NOL9: variants seen among roughly 807,000 people sequenced by gnomAD.
NOL9 encodes polynucleotide 5'-hydroxyl-kinase NOL9.
NOL9 carries 28 observed loss-of-function variants against 67.9 expected under a neutral mutation model. The ratio of observed to expected loss-of-function variants is 0.41; its 90% CI spans 0.31 to 0.57. The LOEUF (loss-of-function observed/expected upper bound fraction) is 0.57, where lower values mean the gene tolerates loss of function less well. NOL9 is among the 20% of genes least tolerant of loss of function. NOL9 has a pLI of 0.25. For missense variants in NOL9, 777 were observed against 897.0 expected (o/e 0.87, Z 1.71); for synonymous variants, 356 against 352.2 (o/e 1.01, Z -0.12).
At chr1:6,541,728 T>C (rs1639296490) in intron 6 of NOL9, 102 bp downstream of exon 6, 2 of 577,700 alleles carry the variant, frequency 3.5e-6, no homozygotes, top group Non-Finnish European at 5.6e-6. Flanking sequence ...AGGCGCATGT[T>C]CCCTTTTAAT....
chr1:6,526,135 T>C (rs1170444173), intron 11 of NOL9, 132 bp from the exon 12 acceptor site: 3 of 763,984 alleles, frequency 3.9e-6, no homozygotes, highest in South Asian at 3.4e-5. Flanking sequence ...TTTAAGGCAT[T>C]TGATCCCTTC....
intron 6 of NOL9, among the ~76,000 whole-genome samples, chr1:6,539,824 T>C (rs796964591): frequency 4.1e-4 from 62 of 152,268 alleles, no homozygotes; most frequent in African/African-American, 1.4e-3. Context: ...TGGATGGATT[T>C]TGACAATACT....
At chr1:6,532,950 G>A (rs190444832) in intron 7 of NOL9, among the ~76,000 whole-genome samples, 190 bp from the exon 8 acceptor site, 5 of 152,304 alleles carry the variant, frequency 3.3e-5, no homozygotes, top group South Asian at 2.1e-4. Context: ...CAAGGTGGGC[G>A]GATCACTTGA....
rs1387132198 is a variant in NOL9, at chr1:6,554,482, C to T, written c.21G>A (p.Leu7=). The change falls in exon 1 of 12, where the codon CTG becomes CTA. Residue 7 remains leucine (L), a synonymous_variant. Coordinates refer to ENST00000377705, the MANE Select transcript of NOL9 (RefSeq NM_024654.5). ...TGGAACGGCAGGAACCCCGCTTTAG[C>T]AGCAGTCCCGAGTCCGCCATGCTGG... The part of the protein sequence containing the change: MADSGL[L]LKRGSCRSTW... 3 of 1,544,204 alleles carry T rather than the reference C, an allele frequency of 1.9e-6. No individual in the cohort carries two copies. Among genetic ancestry groups the T allele is most frequent in the Non-Finnish European group, 2.6e-6 (3 of 1,158,416 alleles).
chr1:6,548,908 C>A (rs1639479731), intron 3 of NOL9, among the ~76,000 whole-genome samples: 1 of 151,934 alleles, frequency 6.6e-6, no homozygotes, highest in African/African-American at 2.4e-5. Flanking sequence ...ATGGTGAAAC[C>A]CCGTCTGTAC....
At chr1:6,527,700 G>A (rs1434802697) in intron 10 of NOL9, among the ~76,000 whole-genome samples, 12 of 151,728 alleles carry the variant, frequency 7.9e-5, no homozygotes, top group Non-Finnish European at 1.3e-4. Flanking sequence ...CTGGGAGGCC[G>A]AGGTGGGCAG....
Position 6,550,255 on chromosome 1 carries a change from T to C in NOL9, c.616+141A>G, listed in dbSNP as rs1355293137. ...ACCATCTTAGCCAGGATGGTCTCGA[T>C]CTCCTGACCTCATGATCCGCCCGCC... is the stretch of plus-strand genomic sequence containing the variant. On this transcript the variant is annotated intron_variant, in intron 2 of 11. Coordinates refer to ENST00000377705, the MANE Select transcript of NOL9 (RefSeq NM_024654.5). 4.5e-6 allele frequency: 3 copies of C among 661,566 alleles called. No individual in the cohort carries two copies. In the African/African-American group the frequency reaches 5.4e-5, roughly 12 times the overall value. The allele number at this position is 661,566 out of a possible 1,614,324, so 41.0% of individuals were successfully genotyped here.
chr1:6,541,307 G>T (rs895311733), intron 6 of NOL9, among the ~76,000 whole-genome samples: 1 of 152,022 alleles, frequency 6.6e-6, no homozygotes, highest in Non-Finnish European at 1.5e-5. Context: ...TCAGCCTCCC[G>T]AGGAGCTGGG....
At chr1:6,528,872 G>T in intron 10 of NOL9, 122 bp downstream of exon 10, 1 of 906,212 alleles carries the variant, frequency 1.1e-6, no homozygotes, top group South Asian at 1.7e-5. Context: ...CTATATAGAT[G>T]AGTGGGGGTT....
intron 11 of NOL9, 150 bp downstream of exon 11, chr1:6,526,546 C>T: frequency 5.4e-6 from 4 of 743,194 alleles, no homozygotes; most frequent in Middle Eastern, 4.2e-4. Context: ...TTGGAGGCGG[C>T]CCTGACACCG....
intron 10 of NOL9, 30 bp downstream of exon 10, chr1:6,528,964 T>C: frequency 3.1e-6 from 5 of 1,608,600 alleles, no homozygotes; most frequent in Non-Finnish European, 4.3e-6. Flanking sequence ...TTTCAGTAGG[T>C]TTATGGATAT....
At position 6,532,766 on chromosome 1, in the gene NOL9, G is replaced by A. The variant is rs1418204203; in HGVS notation, c.1238-6C>T. ...GAGAAGCAGGAGCCCCTGGTCTGTG[G>A]GGAAGAGACATTAGCACAGCTGATA... On this transcript the variant is annotated splice_region_variant and splice_polypyrimidine_tract_variant and intron_variant, in intron 7 of 11. Transcript: ENST00000377705. 1.2e-6 allele frequency: 2 copies of A among 1,608,182 alleles called. No homozygotes were observed. Among genetic ancestry groups the A allele is most frequent in the Admixed American group, 3.4e-5 (2 of 59,226 alleles).
At chr1:6,531,030 A>G (rs1176625617) in intron 9 of NOL9, among the ~76,000 whole-genome samples, 1 of 152,256 alleles carries the variant, frequency 6.6e-6, no homozygotes, top group Non-Finnish European at 1.5e-5. Flanking sequence ...ACACAGGCTT[A>G]GAACAGAGTA....
chr1:6,546,990 G>C (rs908734176), intron 3 of NOL9, among the ~76,000 whole-genome samples: 1 of 152,098 alleles, frequency 6.6e-6, no homozygotes. Context: ...TTTCGCCACC[G>C]CTGTTCAGTT....
Position 6,549,557 on chromosome 1 carries a change from A to C in NOL9, c.744+14T>G. ...CAAGTAATTAGCAAAACTCTGAATG[A>C]AAACGGGTTCTACCTCTTGCACAAA... is the stretch of plus-strand genomic sequence containing the variant. On this transcript the variant is annotated intron_variant, in intron 3 of 11. Transcript: ENST00000377705. 1 of 1,611,986 alleles carries C rather than the reference A, an allele frequency of 6.2e-7. No homozygotes were observed. The highest frequency in any genetic ancestry group is 8.5e-7 in the Non-Finnish European group (1 of 1,179,090).
intron 10 of NOL9, among the ~76,000 whole-genome samples, 177 bp downstream of exon 10, chr1:6,528,817 A>T (rs1638951261): frequency 6.6e-6 from 1 of 152,220 alleles, no homozygotes; most frequent in Non-Finnish European, 1.5e-5. Flanking sequence ...CAGACGAAGC[A>T]GAGAAATAGC....
rs1471056453 is a variant in NOL9, at chr1:6,525,782, T to C, written c.*72A>G. 12 of 1,525,716 alleles carry C rather than the reference T, an allele frequency of 7.9e-6. No individual in the cohort carries two copies. In the African/African-American group the frequency reaches 1.4e-4, roughly 18 times the overall value. 94.5% of individuals were successfully genotyped at this position (1,525,716 alleles called of 1,614,324 possible). A position where few individuals can be genotyped will look rare whatever the true frequency, so the allele number is the denominator to read the frequency against. On this transcript the variant is annotated 3_prime_UTR_variant, in exon 12 of 12. Coordinates refer to ENST00000377705, the MANE Select transcript of NOL9 (RefSeq NM_024654.5). ...CATTCATGGCCATGAAACTCCATCA[T>C]GTCTCTTGTGGTCAGGCTTGAGACA...
rs745544021 is a variant in NOL9 at position 6,533,276 on chromosome 1, T to A, written c.1237+4A>T. The A allele has an allele frequency of 7.6e-6, 12 of 1,585,380 alleles. No individual in the cohort carries two copies. Among genetic ancestry groups the A allele is most frequent in the Non-Finnish European group, 1.0e-5 (12 of 1,162,968 alleles). ...CCCTTGCAGATGTGCACATGCAGGC[T>A]TACCTGAAACCCATCCCATAGTGTT... On this transcript the variant is annotated splice_donor_region_variant and intron_variant, in intron 7 of 11. Transcript: ENST00000377705.
Position 6,554,153 on chromosome 1 carries a change from C to T in NOL9, c.350G>A (p.Arg117Gln). Residue 117 changes from arginine (R) to glutamine (Q), a missense_variant, in exon 1 of 12, where the codon CGG becomes CAG. Around this residue, in one of 2 missense-constraint regions of NOL9, gnomAD observed 364 missense variants for 344.4 expected, o/e 1.06. Coordinates refer to ENST00000377705, the MANE Select transcript of NOL9 (RefSeq NM_024654.5). ...CHRPLLIPPV[R>Q]PVGPGRALLL... ...CAACGCGCGGCCGGGGCCCACGGGC[C>T]GCACCGGTGGGATGAGGAGAGGCCG... The T allele has an allele frequency of 6.5e-7, 1 of 1,530,154 alleles. No individual in the cohort carries two copies. Among genetic ancestry groups the T allele is most frequent in the Non-Finnish European group, 8.8e-7 (1 of 1,138,084 alleles). The allele number at this position is 1,530,154 out of a possible 1,614,324, so 94.8% of individuals were successfully genotyped here. A position where few individuals can be genotyped will look rare whatever the true frequency, so the allele number is the denominator to read the frequency against.
Sources: gnomAD v4.1 joint callset for allele counts (sites outside exome capture counted in the v4.1 genomes callset) on GRCh38, gnomAD v4.1.1 for gene constraint, gnomAD v4.1.1 regional missense constraint, MANE v1.5 for transcripts, NCBI Gene and HGNC (gene_info 2026-07-23, HGNC 2026-07-21) for gene names.